The following RNPS1 variants were observed in gnomAD, a reference collection of about 807,000 sequenced individuals.
RNPS1 encodes RNA binding protein with serine rich domain 1, also known as RNA-binding protein with serine-rich domain 1.
For missense variants in RNPS1, 300 were observed against 427.6 expected, an observed-to-expected ratio of 0.70 and a Z score of 2.63; for synonymous variants, 147 against 150.0, an observed-to-expected ratio of 0.98 and a Z score of 0.15.
chr16:2,258,362 C>G (rs1338519949), intron 6 of RNPS1: 5 of 152,162 alleles, frequency 3.3e-5, no homozygotes, highest in Non-Finnish European at 7.3e-5. Flanking sequence ...GAATAGTGTT[C>G]CTTTAAACTG....
In RNPS1 at chr16:2,253,712, T is replaced by C. The variant is rs547958616; in HGVS notation, c.*252A>G. ...TTCCCTGGTGGCTCTGCCACTGAAC[T>C]GACTCTTAGAAACCGGAAACGGATG... On this transcript the variant is annotated 3_prime_UTR_variant, in exon 8 of 8. Coordinates refer to ENST00000320225, the MANE Select transcript of RNPS1 (RefSeq NM_080594.4). 1.5e-5 allele frequency: 9 copies of C among 608,222 alleles called. No homozygotes were observed. Among genetic ancestry groups the C allele is most frequent in the East Asian group, 2.9e-5 (1 of 33,978 alleles). The allele number at this position is 608,222 out of a possible 1,614,324, so 37.7% of individuals were successfully genotyped here.
intron 1 of RNPS1, chr16:2,266,151 A>G (rs1596816515): frequency 3.0e-6 from 3 of 985,396 alleles, no homozygotes; most frequent in Non-Finnish European, 3.6e-6. Flanking sequence ...CAGCACACCA[A>G]TGTGGTCCTG....
chr16:2,266,330 T>C, intron 1 of RNPS1: 1 of 985,378 alleles, frequency 1.0e-6, no homozygotes, highest in Non-Finnish European at 1.2e-6. Flanking sequence ...TTTAGAACAG[T>C]AAGGTTCTGC....
intron 6 of RNPS1, among the ~76,000 whole-genome samples, chr16:2,260,100 C>A (rs2093596319): frequency 6.6e-6 from 1 of 151,214 alleles, no homozygotes; most frequent in South Asian, 2.1e-4. Context: ...TTTCTCTCTA[C>A]CTAATTTCTT....
chr16:2,255,695 G>A lies in RNPS1; in HGVS notation c.708C>T (p.Thr236=), dbSNP rs952710974. ...GQIDGQEITA[T]AVLAPWPRPP... is the part of the protein sequence containing the mutation. ...GCCTAGGCCAGGGGGCCAGCACGGC[G>A]GTGGCAGTGATCTCCTGGCCATCAA... Residue 236 remains threonine, a synonymous_variant, in exon 7 of 8, where the codon ACC becomes ACT. Transcript: ENST00000320225. 6.2e-6 allele frequency: 10 copies of A among 1,613,858 alleles called. No individual in the cohort carries two copies. The highest frequency in any genetic ancestry group is 3.3e-5 in the South Asian group (3 of 91,086).
chr16:2,263,082 C>T lies in RNPS1; in HGVS notation c.419+14G>A, dbSNP rs373694164. Reference sequence around the variant, plus strand: ...GAGCTTGTAAACTTTAGCTCCCAGGCGCAGGGCACTCACTTGGAGCGGGAG... The same window carrying T: ...GAGCTTGTAAACTTTAGCTCCCAGGTGCAGGGCACTCACTTGGAGCGGGAG... On this transcript the variant is annotated intron_variant, in intron 4 of 7. Coordinates refer to ENST00000320225, the MANE Select transcript of RNPS1 (RefSeq NM_080594.4). 5.6e-6 allele frequency: 9 copies of T among 1,610,520 alleles called. No homozygotes were observed. The East Asian group carries it at 6.7e-5, about 12-fold the overall frequency.
intron 1 of RNPS1, chr16:2,267,526 C>T: frequency 9.8e-7 from 1 of 1,017,446 alleles, no homozygotes; most frequent in Non-Finnish European, 1.2e-6. Flanking sequence ...GGGAAACGTT[C>T]GCGGAGTACA....
intron 1 of RNPS1, 174 bp from the exon 2 acceptor site, chr16:2,264,934 T>G: frequency 5.6e-6 from 2 of 357,352 alleles, no homozygotes; most frequent in Non-Finnish European, 1.0e-5. Context: ...GAGGCGTCTC[T>G]ACCCCGCAGA....
chr16:2,267,703 G>A (rs2093630745), intron 1 of RNPS1: 2 of 1,213,838 alleles, frequency 1.6e-6, no homozygotes, highest in African/African-American at 1.6e-5. Context: ...CGCTTCCAGG[G>A]CAGGGCCTGG....
intron 6 of RNPS1, chr16:2,257,117 G>A (rs2093582133): frequency 6.6e-6 from 1 of 152,260 alleles, no homozygotes; most frequent in Admixed American, 6.6e-5. Context: ...AGCGAGGAGA[G>A]GCAGTGTGGG....
Position 2,262,314 on chromosome 16 carries a change from C to G in RNPS1, c.640G>C (p.Asp214His), listed in dbSNP as rs759095787. 2 of 1,613,796 alleles carry G rather than the reference C, an allele frequency of 1.2e-6. No individual in the cohort carries two copies. The highest frequency in any genetic ancestry group is 1.7e-6 in the Non-Finnish European group (2 of 1,180,028). Residue 214 changes from aspartate (D) to histidine (H), a missense_variant, in exon 6 of 8, where the codon GAT (aspartate) becomes CAT (histidine). Coordinates refer to ENST00000320225, the MANE Select transcript of RNPS1 (RefSeq NM_080594.4). The stretch of plus-strand genomic sequence containing the variant: ...TGCTTCAGCGCCTTCTCGGCTTCAT[C>G]TGGATTCTCAAACTCTACGTACGCA... ...GYAYVEFENP[D>H]EAEKALKHMD...
chr16:2,264,008 G>A, intron 3 of RNPS1, 168 bp downstream of exon 3: 1 of 780,496 alleles, frequency 1.3e-6, no homozygotes, highest in South Asian at 1.8e-5. Context: ...GGGATTATAG[G>A]CATGAGCCAC....
intron 3 of RNPS1, 73 bp downstream of exon 3, chr16:2,264,103 C>G (rs935059193): frequency 6.5e-7 from 1 of 1,546,714 alleles, no homozygotes; most frequent in African/African-American, 1.4e-5. Flanking sequence ...TCAAGAAAAC[C>G]GAGCCATCTG....
intron 6 of RNPS1, chr16:2,258,788 T>C (rs1486304650): frequency 6.6e-6 from 1 of 151,632 alleles, no homozygotes; most frequent in African/African-American, 2.4e-5. Context: ...TGGCTAAAGT[T>C]AAAGGGGTAT....
Position 2,262,819 on chromosome 16 carries a change from T to G in RNPS1, c.443A>C (p.Glu148Ala). ...RSKSKPPKRDEKERKRRSPSP... is the reference protein window; with the variant it reads ...RSKSKPPKRDAKERKRRSPSP... ...TGGGCTCCGCCTTTTCCTCTCCTTT[T>G]CATCTCTTTTAGGTGGTTTGGATCT... is the stretch of plus-strand genomic sequence containing the variant. Residue 148 changes from glutamate to alanine, a missense_variant, in exon 5 of 8, where the codon GAA becomes GCA. Physicochemically the swap from Glu to Ala is moderately radical, Grantham distance 107 (BLOSUM62 -1). Transcript: ENST00000320225. 6.2e-7 allele frequency: 1 copy of G among 1,614,044 alleles called. No homozygotes were observed. The highest frequency in any genetic ancestry group is 8.5e-7 in the Non-Finnish European group (1 of 1,179,992).
chr16:2,257,428 G>A (rs946581555), intron 6 of RNPS1: 12 of 152,120 alleles, frequency 7.9e-5, no homozygotes, highest in Admixed American at 1.3e-4. Context: ...CTATAATAAT[G>A]AAGAAAAATC....
chr16:2,264,354 A>C, intron 2 of RNPS1, 23 bp from the exon 3 acceptor site: 2 of 1,613,998 alleles, frequency 1.2e-6, no homozygotes, highest in Non-Finnish European at 1.7e-6. Flanking sequence ...GAAGAGTGTG[A>C]GATTGCGTGC....
Position 2,262,753 on chromosome 16 carries a change from C to G in RNPS1, c.509G>C (p.Arg170Pro). 6.2e-7 allele frequency: 1 copy of G among 1,612,498 alleles called. No homozygotes were observed. The highest frequency in any genetic ancestry group is 8.5e-7 in the Non-Finnish European group (1 of 1,179,606). Residue 170 changes from arginine (R) to proline (P), a missense_variant, in exon 5 of 8, where the codon CGG (arginine) becomes CCG (proline). Transcript: ENST00000320225. ...CATGATCCTCACCTTTGTCACATTC[C>G]GGGTGAGTCTCCCAATGTGCACTTT... Reference protein sequence around the residue: ...PTKVHIGRLTRNVTKDHIMEI... With the variant: ...PTKVHIGRLTPNVTKDHIMEI...
At chr16:2,259,560 C>CA (rs2093593491) in intron 6 of RNPS1, among the ~76,000 whole-genome samples, 2 of 152,196 alleles carry the variant, frequency 1.3e-5, no homozygotes, top group African/African-American at 4.8e-5. Flanking sequence ...CAGATTGTGA[C>CA]ATCAGAATAA....
Sources: gnomAD v4.1 joint callset for allele counts (sites outside exome capture counted in the v4.1 genomes callset) on GRCh38, gnomAD v4.1.1 for gene constraint, MANE v1.5 for transcripts, NCBI Gene and HGNC (gene_info 2026-07-23, HGNC 2026-07-21) for gene names.